Variants in NARS2 observed in about 807,000 individuals in gnomAD.
NARS2 encodes asparaginyl-tRNA synthetase 2, mitochondrial.
In NARS2, 60 loss-of-function variants were observed where a neutral mutation model predicts 62.9. The ratio of observed to expected loss-of-function variants is 0.95; its 90% CI spans 0.77 to 1.18. The LOEUF is 1.18. NARS2 is among the 50% of genes most tolerant of loss of function. The pLI, the probability that NARS2 is intolerant of heterozygous loss-of-function variation, is 0.00. For synonymous variants in NARS2, 196 were observed against 200.0 expected, an observed-to-expected ratio of 0.98 and a Z score of 0.17; for missense variants, 619 against 576.4, an observed-to-expected ratio of 1.07 and a Z score of -0.76.
intron 8 of NARS2, 39 bp downstream of exon 8, chr11:78,478,546 A>G: frequency 2.9e-6 from 4 of 1,370,860 alleles, no homozygotes; most frequent in Non-Finnish European, 4.1e-6. Context: ...AACACATTAA[A>G]CAGTAGATGT....
intron 9 of NARS2, 33 bp downstream of exon 9, chr11:78,478,401 TAATG>T (rs757657434): frequency 3.3e-6 from 3 of 905,148 alleles, no homozygotes; most frequent in East Asian, 2.9e-5. Flanking sequence ...AATACAGTGA[TAATG>T]AATAAAGTTC....
intron 5 of NARS2, among the ~76,000 whole-genome samples, chr11:78,539,247 C>T (rs369827462): frequency 7.1e-4 from 107 of 151,630 alleles, no homozygotes; most frequent in African/African-American, 2.5e-3. Flanking sequence ...AGAAGAGTAG[C>T]TTGAATTAAA....
intron 5 of NARS2, 115 bp downstream of exon 5, chr11:78,559,424 C>A (rs1005423943): frequency 3.2e-6 from 2 of 620,752 alleles, no homozygotes; most frequent in African/African-American, 1.9e-5. Flanking sequence ...TTTTTATTGA[C>A]AATTTCAGGT....
At chr11:78,522,632 GAAGAATTCATT>G (rs1340177640) in intron 6 of NARS2, among the ~76,000 whole-genome samples, 2 of 152,122 alleles carry the variant, frequency 1.3e-5, no homozygotes, top group Non-Finnish European at 2.9e-5. Flanking sequence ...TGTAGAAACA[GAAGAATTCATT>G]AATTTGATCA....
intron 8 of NARS2, 51 bp downstream of exon 8, chr11:78,478,534 T>C (rs1859208014): frequency 6.1e-6 from 8 of 1,315,124 alleles, no homozygotes; most frequent in Non-Finnish European, 8.6e-6. Context: ...TTATGTATAA[T>C]TAACACATTA....
chr11:78,457,445 C>G (rs1204201495), intron 11 of NARS2, among the ~76,000 whole-genome samples: 1 of 152,142 alleles, frequency 6.6e-6, no homozygotes, highest in Non-Finnish European at 1.5e-5. Context: ...TGGCCCAAAG[C>G]TTCTTCCTTC....
At chr11:78,453,747 A>G (rs1430948105) in intron 11 of NARS2, among the ~76,000 whole-genome samples, 3 of 152,222 alleles carry the variant, frequency 2.0e-5, no homozygotes, top group African/African-American at 7.2e-5. Context: ...GCTGAAATAC[A>G]CAGTATTTTG....
chr11:78,438,999 G>A (rs1857495517), intron 13 of NARS2, among the ~76,000 whole-genome samples: 2 of 150,150 alleles, frequency 1.3e-5, no homozygotes, highest in Non-Finnish European at 3.0e-5. Flanking sequence ...TTTTTGAGAT[G>A]GAGTCTCACT....
chr11:78,565,792 G>A (rs1037806109), intron 4 of NARS2, among the ~76,000 whole-genome samples: 3 of 152,152 alleles, frequency 2.0e-5, no homozygotes, highest in Non-Finnish European at 2.9e-5. Context: ...GCTGTAGGTC[G>A]GGACCTGAGG....
At chr11:78,452,226 G>A (rs1857996033) in intron 11 of NARS2, among the ~76,000 whole-genome samples, 1 of 151,760 alleles carries the variant, frequency 6.6e-6, no homozygotes, top group Non-Finnish European at 1.5e-5. Context: ...TCCTGCCTCA[G>A]CCTCCCGAGT....
intron 6 of NARS2, among the ~76,000 whole-genome samples, chr11:78,494,808 A>G (rs1265779644): frequency 6.6e-6 from 1 of 152,216 alleles, no homozygotes; most frequent in African/African-American, 2.4e-5. Flanking sequence ...CCTGTTCCCC[A>G]AAACAAACAA....
At chr11:78,460,117 CA>C (rs968243847) in intron 11 of NARS2, among the ~76,000 whole-genome samples, 1 of 152,140 alleles carries the variant, frequency 6.6e-6, no homozygotes, top group Admixed American at 6.5e-5. Flanking sequence ...TAGGAGAGAA[CA>C]AAGTGGAGTC....
chr11:78,439,417 T>TG (rs1857508484), intron 13 of NARS2, among the ~76,000 whole-genome samples: 1 of 152,096 alleles, frequency 6.6e-6, no homozygotes, highest in African/African-American at 2.4e-5. Context: ...TACATAAGCT[T>TG]GCTCAATCAT....
At chr11:78,506,054 T>A (rs1250258915) in intron 6 of NARS2, among the ~76,000 whole-genome samples, 1 of 152,082 alleles carries the variant, frequency 6.6e-6, no homozygotes, top group Admixed American at 6.6e-5. Flanking sequence ...ATTGAAAAGA[T>A]AGTTCAAAAA....
chr11:78,550,212 A>G (rs2135488458), intron 5 of NARS2, among the ~76,000 whole-genome samples: 1 of 152,332 alleles, frequency 6.6e-6, no homozygotes, highest in East Asian at 1.9e-4. Context: ...TCAGCATGAT[A>G]ACAAAGTTCC....
chr11:78,550,042 A>G (rs1006908463), intron 5 of NARS2, among the ~76,000 whole-genome samples: 2 of 152,222 alleles, frequency 1.3e-5, no homozygotes, highest in Non-Finnish European at 2.9e-5. Flanking sequence ...GTCATGTTAA[A>G]TAAGGCATTG....
intron 5 of NARS2, among the ~76,000 whole-genome samples, chr11:78,532,454 C>T (rs1861514203): frequency 6.6e-6 from 1 of 152,004 alleles, no homozygotes; most frequent in African/African-American, 2.4e-5. Context: ...ATCTGCTCCC[C>T]AAATGAGAAA....
At chr11:78,532,706 A>G (rs926260447) in intron 5 of NARS2, among the ~76,000 whole-genome samples, 1 of 152,144 alleles carries the variant, frequency 6.6e-6, no homozygotes, top group Non-Finnish European at 1.5e-5. Context: ...TTAGTTACTA[A>G]TTCTTTGTTA....
chr11:78,554,781 G>A (rs971023230), intron 5 of NARS2, among the ~76,000 whole-genome samples: 1 of 152,100 alleles, frequency 6.6e-6, no homozygotes, highest in Non-Finnish European at 1.5e-5. Context: ...CCTGACTGCT[G>A]TGGCTAGGAC....
Sources: allele counts gnomAD v4.1 joint callset (sites outside exome capture counted in the v4.1 genomes callset), GRCh38; gene constraint gnomAD v4.1.1; transcripts MANE v1.5; gene names NCBI Gene and HGNC (gene_info 2026-07-23, HGNC 2026-07-21).